TRPM3: variants seen among roughly 807,000 people sequenced by gnomAD.
TRPM3 encodes the protein transient receptor potential cation channel subfamily M member 3.
Under a neutral mutation model 181.2 loss-of-function variants are expected in TRPM3, and 77 were observed. The ratio of observed to expected loss-of-function variants is 0.42; its 90% CI spans 0.35 to 0.51. TRPM3 has a LOEUF of 0.51. TRPM3 is among the 20% of genes least tolerant of loss of function. The probability of loss-of-function intolerance (pLI) is 0.01; values close to 1 mark genes in which losing one functional copy is unlikely to be tolerated. For synonymous variants in TRPM3, 745 were observed against 796.4 expected (o/e 0.94, Z 1.09); for missense variants, 1,759 against 2,196.7 (o/e 0.80, Z 3.98).
At chr9:71,090,027 A>G (rs1186091863) in intron 1 of TRPM3, among the ~76,000 whole-genome samples, 1 of 152,218 alleles carries the variant, frequency 6.6e-6, no homozygotes, top group Non-Finnish European at 1.5e-5. Context: ...GCCACATTCA[A>G]AGCCATCCTG....
At chr9:70,954,855 A>G (rs2097049222) in intron 1 of TRPM3, among the ~76,000 whole-genome samples, 1 of 152,132 alleles carries the variant, frequency 6.6e-6, no homozygotes, top group African/African-American at 2.4e-5. Flanking sequence ...AATATGAATT[A>G]TGCCAAAGAG....
At chr9:70,740,344 T>A (rs1168217062) in intron 8 of TRPM3, among the ~76,000 whole-genome samples, 2 of 152,066 alleles carry the variant, frequency 1.3e-5, no homozygotes, top group Non-Finnish European at 2.9e-5. Flanking sequence ...TAGGAACACA[T>A]CCTATGCTTA....
chr9:70,873,044 T>C (rs2095815299), intron 1 of TRPM3, among the ~76,000 whole-genome samples: 2 of 151,926 alleles, frequency 1.3e-5, no homozygotes, highest in South Asian at 4.2e-4. Flanking sequence ...TATATTTTTT[T>C]CCTTTTTGGA....
chr9:71,220,812 A>C (rs1160658539), intron 1 of TRPM3, among the ~76,000 whole-genome samples: 2 of 152,150 alleles, frequency 1.3e-5, no homozygotes, highest in African/African-American at 2.4e-5. Flanking sequence ...AGCGCTCCCA[A>C]GGAAAAAGCT....
At chr9:71,358,592 C>G (rs1244915951) in intron 1 of TRPM3, among the ~76,000 whole-genome samples, 1 of 152,102 alleles carries the variant, frequency 6.6e-6, no homozygotes, top group Non-Finnish European at 1.5e-5. Flanking sequence ...TATCAGCAAG[C>G]CCTCTAACAA....
At chr9:70,896,532 G>A (rs1372098959) in intron 1 of TRPM3, among the ~76,000 whole-genome samples, 1 of 152,040 alleles carries the variant, frequency 6.6e-6, no homozygotes, top group African/African-American at 2.4e-5. Context: ...GATGCTGCAA[G>A]ACAAAAGAAT....
At chr9:71,121,666 C>T (rs1369969303), upstream of TRPM3, 14 of 1,115,674 alleles carry the variant, frequency 1.3e-5, no homozygotes, top group Non-Finnish European at 1.5e-5. Flanking sequence ...GCAGGTCAGG[C>T]GTTGGGGGGG....
At chr9:71,130,604 A>G (rs1394775513) in intron 1 of TRPM3, among the ~76,000 whole-genome samples, 2 of 152,232 alleles carry the variant, frequency 1.3e-5, no homozygotes, top group African/African-American at 2.4e-5. Context: ...TGAAGGTACC[A>G]AAGATGAATT....
At chr9:71,281,253 G>T (rs936055916) in intron 1 of TRPM3, among the ~76,000 whole-genome samples, 4 of 152,190 alleles carry the variant, frequency 2.6e-5, no homozygotes, top group Non-Finnish European at 5.9e-5. Context: ...CAGCAATTCA[G>T]GACACACGGG....
At chr9:71,352,737 G>C (rs912913074) in intron 1 of TRPM3, among the ~76,000 whole-genome samples, 3 of 151,976 alleles carry the variant, frequency 2.0e-5, no homozygotes, top group Non-Finnish European at 4.4e-5. Context: ...TGTTTCCCTG[G>C]CTGGCCCAAC....
At chr9:71,289,049 T>C (rs2085547888) in intron 1 of TRPM3, among the ~76,000 whole-genome samples, 2 of 151,350 alleles carry the variant, frequency 1.3e-5, no homozygotes, top group Non-Finnish European at 2.9e-5. Context: ...TTTAAAGATG[T>C]AATGGACGTG....
At chr9:71,086,490 C>A (rs961165698) in intron 1 of TRPM3, among the ~76,000 whole-genome samples, 1 of 151,916 alleles carries the variant, frequency 6.6e-6, no homozygotes, top group Non-Finnish European at 1.5e-5. Flanking sequence ...CATCACCAAC[C>A]AGCTGAAGAT....
chr9:70,997,484 C>T (rs932365822), intron 1 of TRPM3, among the ~76,000 whole-genome samples: 3 of 152,160 alleles, frequency 2.0e-5, no homozygotes, highest in South Asian at 2.1e-4. Context: ...CTTGAGCCAC[C>T]GCGCCCGGCC....
chr9:70,843,218 G>A, intron 4 of TRPM3, 91 bp from the exon 5 acceptor site: 1 of 1,347,686 alleles, frequency 7.4e-7, no homozygotes, highest in Non-Finnish European at 1.0e-6. Context: ...TTTCTCCCGA[G>A]GTTAAATAAA....
At chr9:70,963,355 T>C (rs2097155648) in intron 1 of TRPM3, among the ~76,000 whole-genome samples, 1 of 152,184 alleles carries the variant, frequency 6.6e-6, no homozygotes, top group Non-Finnish European at 1.5e-5. Flanking sequence ...TAAAAGCAGC[T>C]AGACACACCA....
chr9:70,535,757 C>A lies in TRPM3; in HGVS notation c.*196G>T, dbSNP rs2041562637. On this transcript the variant is annotated 3_prime_UTR_variant, in exon 26 of 26. Transcript: ENST00000677713. The stretch of plus-strand genomic sequence containing the variant: ...TGAACATGCCTTAAATCCCCTGTGT[C>A]TGGCACTGGGTCAGATCAAATGCTT... 2.7e-6 allele frequency: 4 copies of A among 1,460,382 alleles called. No individual in the cohort carries two copies. Among genetic ancestry groups the A allele is most frequent in the Non-Finnish European group, 3.6e-6 (4 of 1,114,582 alleles). 90.5% of individuals were successfully genotyped at this position (1,460,382 alleles called of 1,614,324 possible).
chr9:71,429,417 G>A (rs1029375787), intron 1 of TRPM3, among the ~76,000 whole-genome samples: 1 of 152,106 alleles, frequency 6.6e-6, no homozygotes, highest in Non-Finnish European at 1.5e-5. Flanking sequence ...TCTGTAAAAT[G>A]AGTACAATGA....
intron 1 of TRPM3, among the ~76,000 whole-genome samples, chr9:71,204,952 C>T (rs1026203108): frequency 1.3e-5 from 2 of 152,126 alleles, no homozygotes; most frequent in Non-Finnish European, 2.9e-5. Flanking sequence ...TCTCCGTAAA[C>T]TATCGCAAGG....
intron 1 of TRPM3, among the ~76,000 whole-genome samples, chr9:71,380,419 C>T (rs141341590): frequency 3.9e-5 from 6 of 152,130 alleles, no homozygotes; most frequent in African/African-American, 1.2e-4. Flanking sequence ...CAACTCTCAG[C>T]ACCACATCTG....
Sources: allele counts gnomAD v4.1 joint callset (sites outside exome capture counted in the v4.1 genomes callset), GRCh38; gene constraint gnomAD v4.1.1; transcripts MANE v1.5; gene names NCBI Gene and HGNC (gene_info 2026-07-23, HGNC 2026-07-21).